Variants in MITF observed in about 807,000 individuals in gnomAD.
MITF encodes microphthalmia-associated transcription factor.
Under a neutral mutation model 60.5 loss-of-function variants are expected in MITF, and 17 were observed. That is an observed-to-expected ratio of 0.28 (90% CI 0.19 to 0.42). The LOEUF is 0.42. MITF is among the 10% of genes least tolerant of loss of function. The pLI, the probability that MITF is intolerant of heterozygous loss-of-function variation, is 1.00. For synonymous variants in MITF, 260 were observed against 248.5 expected (o/e 1.05, Z -0.43); for missense variants, 622 against 683.5 (o/e 0.91, Z 1.00).
At chr3:69,830,434 C>G (rs1182439541) in intron 1 of MITF, among the ~76,000 whole-genome samples, 2 of 152,150 alleles carry the variant, frequency 1.3e-5, no homozygotes, top group East Asian at 3.9e-4. Context: ...TCCTCTGGGC[C>G]TACCCTGACT....
intron 2 of MITF, among the ~76,000 whole-genome samples, chr3:69,902,096 G>A (rs965100744): frequency 2.0e-5 from 3 of 152,172 alleles, no homozygotes; most frequent in Admixed American, 1.3e-4. Context: ...TGTCCCTAAT[G>A]TTTGGTGAAA....
chr3:69,841,475 A>T (rs1168270956), intron 1 of MITF, among the ~76,000 whole-genome samples: 1 of 152,186 alleles, frequency 6.6e-6, no homozygotes, highest in Non-Finnish European at 1.5e-5. Flanking sequence ...TGAGTGTGCT[A>T]TTTATACAAT....
At chr3:69,920,740 A>G (rs2065447513) in intron 2 of MITF, among the ~76,000 whole-genome samples, 1 of 152,146 alleles carries the variant, frequency 6.6e-6, no homozygotes, top group Non-Finnish European at 1.5e-5. Context: ...ATTCGGGGCC[A>G]CTACCGGTCT....
Position 69,939,569 on chromosome 3 carries a change from GGAA to G in MITF, c.666+389_666+391del, listed in dbSNP as rs370795700. On this transcript the variant is annotated intron_variant, in intron 4 of 9. Coordinates refer to ENST00000352241, the MANE Select transcript of MITF (RefSeq NM_001354604.2). ...TATTGTTTCCTAAATGGAATCTCATGGAACATACATTTTGAAACTATATTAATT... is the reference window on the plus strand; with the variant it reads ...TATTGTTTCCTAAATGGAATCTCATGCATACATTTTGAAACTATATTAATT... 2.0e-4 allele frequency among the ~76,000 whole-genome samples: 31 copies of G among 151,972 alleles called. No homozygotes were observed. The South Asian group carries it at 6.2e-3, about 31-fold the overall frequency.
chr3:69,879,598 G>A (rs1017971324), intron 2 of MITF, among the ~76,000 whole-genome samples: 8 of 152,206 alleles, frequency 5.3e-5, no homozygotes, highest in Admixed American at 3.9e-4. Context: ...AATGGTGGGA[G>A]TCAATGTTCC....
At chr3:69,773,071 C>G (rs1336411349) in intron 1 of MITF, among the ~76,000 whole-genome samples, 1 of 152,120 alleles carries the variant, frequency 6.6e-6, no homozygotes, top group Non-Finnish European at 1.5e-5. Context: ...AGGACTGCCT[C>G]ACTGAGAAAA....
At chr3:69,839,749 T>C (rs62252231) in intron 1 of MITF, among the ~76,000 whole-genome samples, 1 of 150,860 alleles carries the variant, frequency 6.6e-6, no homozygotes, top group African/African-American at 2.4e-5. Context: ...GAAACCGATA[T>C]TTAAAAAAAA....
intron 1 of MITF, among the ~76,000 whole-genome samples, chr3:69,869,863 G>T (rs541545699): frequency 6.6e-6 from 1 of 152,130 alleles, no homozygotes; most frequent in East Asian, 1.9e-4. Flanking sequence ...AGCTCCTCCT[G>T]CTCGTATGAC....
At chr3:69,838,445 A>G (rs1397847895) in intron 1 of MITF, 1 of 152,628 alleles carries the variant, frequency 6.6e-6, no homozygotes, top group Non-Finnish European at 1.5e-5. Context: ...CGAAGTCTGA[A>G]TGATTACTCA....
intron 1 of MITF, among the ~76,000 whole-genome samples, chr3:69,813,613 G>A (rs1374701802): frequency 2.6e-5 from 4 of 152,076 alleles, no homozygotes; most frequent in Non-Finnish European, 5.9e-5. Flanking sequence ...CTGGAGTTAC[G>A]CAGCTTTTGT....
chr3:69,888,700 T>C (rs2064683017), intron 2 of MITF, among the ~76,000 whole-genome samples: 1 of 152,122 alleles, frequency 6.6e-6, no homozygotes, highest in African/African-American at 2.4e-5. Context: ...AGACTGGTAC[T>C]TGGCTCTTAA....
intron 2 of MITF, among the ~76,000 whole-genome samples, chr3:69,893,116 C>G (rs1227912975): frequency 1.3e-5 from 2 of 152,154 alleles, no homozygotes; most frequent in Non-Finnish European, 2.9e-5. Context: ...TTTTCTTCCA[C>G]CAGATGATAC....
At chr3:69,784,336 A>G (rs1455546998) in intron 1 of MITF, among the ~76,000 whole-genome samples, 2 of 152,122 alleles carry the variant, frequency 1.3e-5, no homozygotes, top group Non-Finnish European at 2.9e-5. Flanking sequence ...CCTCCTTACT[A>G]TAAATCCCAG....
chr3:69,748,175 C>A (rs1121878), intron 1 of MITF, among the ~76,000 whole-genome samples: 47,152 of 152,118 alleles, frequency 0.31, 8,721 homozygotes, highest in Non-Finnish European at 0.41. Flanking sequence ...TTAAAAAAAT[C>A]TTCAAAGCAT....
At chr3:69,880,744 A>T (rs1458570168) in intron 2 of MITF, among the ~76,000 whole-genome samples, 1 of 152,054 alleles carries the variant, frequency 6.6e-6, no homozygotes, top group East Asian at 1.9e-4. Flanking sequence ...CAGGGGTGAT[A>T]ATCATTGTGT....
intron 6 of MITF, among the ~76,000 whole-genome samples, chr3:69,951,126 C>CTTTTTT: frequency 7.9e-6 from 1 of 125,826 alleles, no homozygotes; most frequent in Non-Finnish European, 1.6e-5. Flanking sequence ...GAGACAGGGT[C>CTTTTTT]TCTCTGTGTC....
chr3:69,758,415 CCTGCCTCAGAGTCCCAAA>C (rs1308062075), intron 1 of MITF, among the ~76,000 whole-genome samples: 1 of 152,126 alleles, frequency 6.6e-6, no homozygotes, highest in African/African-American at 2.4e-5. Context: ...AAGCAATCCT[CCTGCCTCAGAGTCCCAAA>C]GCACTGTGAT....
chr3:69,879,051 G>A, intron 1 of MITF, 83 bp from the exon 2 acceptor site: 2 of 1,081,302 alleles, frequency 1.8e-6, no homozygotes, highest in Non-Finnish European at 1.4e-6. Flanking sequence ...TTATAGTTTG[G>A]TGCAATTTAG....
intron 2 of MITF, among the ~76,000 whole-genome samples, chr3:69,918,160 G>A (rs2065379980): frequency 6.6e-6 from 1 of 152,056 alleles, no homozygotes; most frequent in South Asian, 2.1e-4. Flanking sequence ...CACCTCCCGG[G>A]TTCAAGTGAT....
Sources: allele counts gnomAD v4.1 joint callset (sites outside exome capture counted in the v4.1 genomes callset), GRCh38; gene constraint gnomAD v4.1.1; transcripts MANE v1.5; gene names NCBI Gene and HGNC (gene_info 2026-07-23, HGNC 2026-07-21).